The following COL6A3 variants were observed in gnomAD, a reference collection of about 807,000 sequenced individuals.
COL6A3 encodes the protein collagen alpha-3(VI) chain.
COL6A3 carries 137 observed loss-of-function variants against 274.1 expected under a neutral mutation model. That is an observed-to-expected ratio of 0.50 (90% CI 0.44 to 0.58). COL6A3 has a LOEUF of 0.58. Ranked by LOEUF, COL6A3 falls within the 20% of genes least tolerant of loss-of-function variation. COL6A3 has a pLI of 0.00. For missense variants in COL6A3, 3,950 were observed against 4,124.9 expected (o/e 0.96, Z 1.16); for synonymous variants, 1,650 against 1,650.6 (o/e 1.00, Z 0.01).
intron 17 of COL6A3, 51 bp from the exon 18 acceptor site, chr2:237,359,439 C>T (rs773718879): frequency 1.9e-6 from 3 of 1,608,428 alleles, no homozygotes; most frequent in Non-Finnish European, 1.7e-6. Flanking sequence ...CAGGGCTGGT[C>T]CCTCGGGCAG....
chr2:237,366,590 C>T (rs2077558116), intron 11 of COL6A3, 97 bp downstream of exon 11: 14 of 1,589,154 alleles, frequency 8.8e-6, no homozygotes, highest in Non-Finnish European at 1.2e-5. Flanking sequence ...CAACCAAATG[C>T]CTAAGGACTC....
intron 28 of COL6A3, 108 bp downstream of exon 28, chr2:237,350,039 A>T: frequency 9.5e-7 from 1 of 1,050,274 alleles, no homozygotes; most frequent in South Asian, 1.3e-5. Flanking sequence ...CGTATCCCCA[A>T]TAATACAAGA....
chr2:237,325,466 T>A (rs1699889617), intron 43 of COL6A3, 94 bp downstream of exon 43: 1 of 1,321,008 alleles, frequency 7.6e-7, no homozygotes, highest in Non-Finnish European at 1.1e-6. Context: ...TTCACATGTA[T>A]CATAATCATT....
intron 21 of COL6A3, among the ~76,000 whole-genome samples, chr2:237,358,273 T>C (rs956433438): frequency 1.3e-5 from 2 of 152,232 alleles, no homozygotes; most frequent in East Asian, 3.8e-4. Context: ...AAATTTGAAG[T>C]GCCCTGATAC....
At chr2:237,353,472 A>G (rs2077250877) in intron 24 of COL6A3, 69 bp from the exon 25 acceptor site, 1 of 1,399,548 alleles carries the variant, frequency 7.1e-7, no homozygotes, top group Non-Finnish European at 1.0e-6. Context: ...TTTGCTCTAC[A>G]GTCATTTCTG....
At chr2:237,355,955 C>T (rs913038276) in intron 23 of COL6A3, among the ~76,000 whole-genome samples, 17 of 152,252 alleles carry the variant, frequency 1.1e-4, no homozygotes, top group Admixed American at 7.2e-4. Flanking sequence ...GGCCAGAGGC[C>T]GCCTGCGGAG....
intron 1 of COL6A3, among the ~76,000 whole-genome samples, chr2:237,400,904 C>T (rs2078572594): frequency 1.3e-5 from 2 of 152,194 alleles, no homozygotes; most frequent in South Asian, 4.1e-4. Context: ...GAACTTATTT[C>T]TAGAATGCAA....
intron 37 of COL6A3, among the ~76,000 whole-genome samples, chr2:237,341,659 C>A (rs1251059596): frequency 4.1e-5 from 6 of 145,362 alleles, no homozygotes; most frequent in African/African-American, 1.5e-4. Context: ...GTAGATGAAA[C>A]AAATCACTAA....
chr2:237,341,982 C>A, intron 37 of COL6A3, 83 bp downstream of exon 37: 1 of 1,146,624 alleles, frequency 8.7e-7, no homozygotes, highest in Non-Finnish European at 1.3e-6. Flanking sequence ...TTTTACAGAT[C>A]ATCATTATTC....
At position 237,340,983 on chromosome 2, in the gene COL6A3, G is replaced by C; in HGVS notation, c.7933C>G (p.Leu2645Val). The change falls in exon 38 of 44, where the codon CTG becomes GTG. Residue 2645 changes from leucine (L) to valine (V), a missense_variant. Leu to Val is a conservative substitution (Grantham distance 32). Around this residue, in one of 5 missense-constraint regions of COL6A3, gnomAD observed 1,284 missense variants for 1,349.7 expected, o/e 0.95. Transcript: ENST00000295550. ...GGGCTCATGTCCAGTTGTCTGACCA[G>C]GTACGCTATGTACTTCTTCATCTCA... ...FNEMKKYIAY[L>V]VRQLDMSPDP... 1.2e-6 allele frequency: 2 copies of C among 1,614,192 alleles called. No individual in the cohort carries two copies. The highest frequency in any genetic ancestry group is 8.5e-7 in the Non-Finnish European group (1 of 1,180,026).
rs1415482274 is a variant in COL6A3, at chr2:237,374,630, A to G, written c.3461T>C (p.Val1154Ala). ...SGDDVRNPSV[V>A]VKRGGAVPIG... ...GGGCACAGCCCCACCCCTCTTCACG[A>G]CCACGGAGGGGTTCCGCACATCATC... The change falls in exon 8 of 44, where the codon GTC (valine) becomes GCC (alanine). Residue 1154 changes from valine to alanine, a missense_variant. This residue lies in a region of COL6A3 where 1,934 missense variants were observed against 1,984.3 expected (regional missense o/e 0.97). Coordinates refer to ENST00000295550, the MANE Select transcript of COL6A3 (RefSeq NM_004369.4). This position sits in a 1 kb window ranked among gnomAD's most constrained non-coding sequence, Gnocchi z 4.8. 4 of 1,614,028 alleles carry G rather than the reference A, an allele frequency of 2.5e-6. No individual in the cohort carries two copies. In the African/African-American group the frequency reaches 5.3e-5, roughly 22 times the overall value.
chr2:237,329,227 G>T (rs1700101343), intron 42 of COL6A3: 1 of 151,924 alleles, frequency 6.6e-6, no homozygotes, highest in Non-Finnish European at 1.5e-5. Flanking sequence ...GCTAATTTTT[G>T]CATTTTTAGT....
At chr2:237,334,482 G>T in intron 41 of COL6A3, 144 bp downstream of exon 41, 2 of 889,864 alleles carry the variant, frequency 2.2e-6, no homozygotes, top group Non-Finnish European at 3.5e-6. Flanking sequence ...CACCCAGGCT[G>T]AGTTGTTTTG....
In COL6A3 at chr2:237,381,098, G is replaced by A. The variant is rs766019317; in HGVS notation, c.1714C>T (p.Leu572=). 6.2e-7 allele frequency: 1 copy of A among 1,614,242 alleles called. No homozygotes were observed. The highest frequency in any genetic ancestry group is 8.5e-7 in the Non-Finnish European group (1 of 1,180,046). ...AAGGCCATTATGCTGCTTCTCTTCA[G>A]CTCCTGGGCAGGCTGGCTGATTTCA... ...LDEISQPAQE[L]KRSSIMAFAI... Residue 572 remains leucine, a synonymous_variant, in exon 5 of 44, where the codon CTG becomes TTG. Transcript: ENST00000295550.
At chr2:237,405,978 A>G (rs1407937036) in intron 1 of COL6A3, among the ~76,000 whole-genome samples, 1 of 152,140 alleles carries the variant, frequency 6.6e-6, no homozygotes, top group Non-Finnish European at 1.5e-5. Flanking sequence ...TAAAGGAAAC[A>G]GATTCAATAA....
At chr2:237,348,707 C>T (rs748167757) in intron 28 of COL6A3, 44 bp from the exon 29 acceptor site, 4 of 1,575,468 alleles carry the variant, frequency 2.5e-6, no homozygotes, top group South Asian at 1.1e-5. Flanking sequence ...CCATGCCTGG[C>T]ACACCATAAC....
In COL6A3 at chr2:237,407,071, G is replaced by A. The variant is rs116461808; in HGVS notation, c.-31+6882C>T. Among the ~76,000 whole-genome samples the A allele has an allele frequency of 0.045, 6,773 of 151,878 alleles. 218 individuals are homozygous for A. The highest frequency in any genetic ancestry group is 0.071 in the Non-Finnish European group (4,849 of 67,904). ...ACTACAGGTGTGCGCCACCACGCCTGGCTAATTTTTTTTGAATTTTGGTAG... is the reference window on the plus strand; with the variant it reads ...ACTACAGGTGTGCGCCACCACGCCTAGCTAATTTTTTTTGAATTTTGGTAG... On this transcript the variant is annotated intron_variant, in intron 1 of 43. Transcript: ENST00000295550. The surrounding 1 kb of genome is among the most constrained non-coding windows in gnomAD (Gnocchi z 4.3).
At chr2:237,337,123 TAAC>T (rs1700592528) in intron 39 of COL6A3, among the ~76,000 whole-genome samples, 6 of 152,158 alleles carry the variant, frequency 3.9e-5, no homozygotes, top group Admixed American at 2.6e-4. Flanking sequence ...CAAACAGACA[TAAC>T]AACAAGGACC....
chr2:237,354,877 G>C lies in COL6A3; in HGVS notation c.6627+22C>G, dbSNP rs924131818. ...CTGGGCTGTTTGAAGAGAGTCTCCA[G>C]GGGGCACTGCATGAGGCTCACCTTA... On this transcript the variant is annotated intron_variant, in intron 24 of 43. Transcript: ENST00000295550. 4 of 1,611,342 alleles carry C rather than the reference G, an allele frequency of 2.5e-6. No individual in the cohort carries two copies. The African/African-American group carries it at 4.0e-5, about 16-fold the overall frequency.
Sources: gnomAD v4.1 joint callset for allele counts (sites outside exome capture counted in the v4.1 genomes callset) on GRCh38, gnomAD v4.1.1 for gene constraint, gnomAD v4.1.1 regional missense constraint, Gnocchi (gnomAD v3.1) non-coding constraint, MANE v1.5 for transcripts, NCBI Gene and HGNC (gene_info 2026-07-23, HGNC 2026-07-21) for gene names.